WDTC1: variants seen among roughly 807,000 people sequenced by gnomAD.
WDTC1 encodes the protein WD and tetratricopeptide repeats protein 1.
A neutral mutation model predicts 76.0 loss-of-function variants in WDTC1; 12 were observed. That is an observed-to-expected ratio of 0.16 (90% CI 0.10 to 0.26). The LOEUF (loss-of-function observed/expected upper bound fraction) is 0.26, where lower values mean the gene tolerates loss of function less well. Among genes scored for constraint, WDTC1 ranks in the 10% least tolerant of loss-of-function variants. The probability of loss-of-function intolerance (pLI) is 1.00; values close to 1 mark genes in which losing one functional copy is unlikely to be tolerated. For synonymous variants in WDTC1, 326 were observed against 350.8 expected (o/e 0.93, Z 0.79); for missense variants, 511 against 908.8 (o/e 0.56, Z 5.63).
Position 27,297,030 on chromosome 1 carries a change from C to T in WDTC1, c.950-18C>T. 2 of 1,612,800 alleles carry T rather than the reference C, an allele frequency of 1.2e-6. No homozygotes were observed. Among genetic ancestry groups the T allele is most frequent in the Non-Finnish European group, 1.7e-6 (2 of 1,179,108 alleles). On this transcript the variant is annotated intron_variant, in intron 10 of 15. Transcript: ENST00000319394. ...CTTCCTGAGTTGTTGCTGTCACTTTCTCACTATCTCCTGCCAGAAGTCCAG... is the reference window on the plus strand; with the variant it reads ...CTTCCTGAGTTGTTGCTGTCACTTTTTCACTATCTCCTGCCAGAAGTCCAG...
chr1:27,292,930 T>C (rs2013577618), intron 7 of WDTC1, among the ~76,000 whole-genome samples: 1 of 150,462 alleles, frequency 6.6e-6, no homozygotes, highest in South Asian at 2.1e-4. Flanking sequence ...TTTTGTATTA[T>C]TAGTAGAGAC....
intron 1 of WDTC1, among the ~76,000 whole-genome samples, chr1:27,253,042 T>C (rs1242710431): frequency 6.8e-6 from 1 of 146,376 alleles, no homozygotes; most frequent in Non-Finnish European, 1.5e-5. Flanking sequence ...GGAGTCTCAC[T>C]CTGTCACCCA....
At chr1:27,289,546 G>A (rs2013466897) in intron 6 of WDTC1, among the ~76,000 whole-genome samples, 1 of 151,964 alleles carries the variant, frequency 6.6e-6, no homozygotes, top group Non-Finnish European at 1.5e-5. Context: ...GACGATGGGC[G>A]GCCAGGCAGA....
intron 8 of WDTC1, 92 bp downstream of exon 8, chr1:27,294,208 A>G: frequency 1.5e-6 from 2 of 1,360,312 alleles, no homozygotes; most frequent in Non-Finnish European, 2.0e-6. Flanking sequence ...ATGGTGGTCA[A>G]GAGCAAGGGT....
At chr1:27,296,945 C>T (rs1410163798) in intron 10 of WDTC1, 103 bp from the exon 11 acceptor site, 19 of 1,021,888 alleles carry the variant, frequency 1.9e-5, no homozygotes, top group East Asian at 4.8e-5. Flanking sequence ...AACAGTCCCA[C>T]GATGGAACCA....
intron 14 of WDTC1, chr1:27,304,076 T>C: frequency 2.6e-6 from 1 of 378,204 alleles, no homozygotes; most frequent in Non-Finnish European, 4.7e-6. Flanking sequence ...CACCTCCTTC[T>C]CCCTCTGTCT....
Position 27,234,960 on chromosome 1 carries a change from C to A in WDTC1, c.-100+9C>A. 5.1e-6 allele frequency: 2 copies of A among 389,990 alleles called. No homozygotes were observed. Among genetic ancestry groups the A allele is most frequent in the South Asian group, 1.3e-4 (1 of 7,688 alleles). The allele number at this position is 389,990 out of a possible 1,614,324, so 24.2% of individuals were successfully genotyped here. A position where few individuals can be genotyped will look rare whatever the true frequency, so the allele number is the denominator to read the frequency against. On this transcript the variant is annotated intron_variant, in intron 1 of 15. Transcript: ENST00000319394. ...GGGAAGAGACCTGACAGGTACGGGTCACCGCCGCCCCCTGCCCTCCGCGGG... is the reference window on the plus strand; with the variant it reads ...GGGAAGAGACCTGACAGGTACGGGTAACCGCCGCCCCCTGCCCTCCGCGGG...
At chr1:27,273,744 A>G (rs996903169) in intron 3 of WDTC1, among the ~76,000 whole-genome samples, 1 of 152,084 alleles carries the variant, frequency 6.6e-6, no homozygotes, top group African/African-American at 2.4e-5. Context: ...ACACTGAAGT[A>G]TTTAAGTGTA....
chr1:27,251,033 A>ATTTTTTTTTT lies in WDTC1; in HGVS notation c.-99-9895_-99-9886dup, dbSNP rs71584875. Among the ~76,000 whole-genome samples, 35 of 28,686 alleles carry ATTTTTTTTTT rather than the reference A, an allele frequency of 1.2e-3. 10 individuals are homozygous for ATTTTTTTTTT. Among genetic ancestry groups the ATTTTTTTTTT allele is most frequent in the Admixed American group, 1.2e-3 (2 of 1,726 alleles). The allele number at this position is 28,686 out of a possible 152,430, so 18.8% of individuals were successfully genotyped here. A position where few individuals can be genotyped will look rare whatever the true frequency, so the allele number is the denominator to read the frequency against. On this transcript the variant is annotated intron_variant, in intron 1 of 15. Coordinates refer to ENST00000319394, the MANE Select transcript of WDTC1 (RefSeq NM_001276252.2). ...TGGCGTGCACCACTACTCCTGGCTA[A>ATTTTTTTTTT]TTTTTTTTTTTTTTTTTTTTTTTTT...
chr1:27,292,368 C>G lies in WDTC1; in HGVS notation c.633C>G (p.Leu211=). ...AVGASGPFVR[L]YDIRMIHNHR... ...GGGCCAGCGGGCCCTTCGTGAGGCT[C>G]TATGACATCCGCATGATCCATAACC... Residue 211 remains leucine, a synonymous_variant, in exon 7 of 16, where the codon CTC becomes CTG. Coordinates refer to ENST00000319394, the MANE Select transcript of WDTC1 (RefSeq NM_001276252.2). 3 of 1,609,528 alleles carry G rather than the reference C, an allele frequency of 1.9e-6. No homozygotes were observed. Among genetic ancestry groups the G allele is most frequent in the Non-Finnish European group, 2.5e-6 (3 of 1,177,664 alleles).
chr1:27,247,443 T>C (rs941091101), intron 1 of WDTC1, among the ~76,000 whole-genome samples: 2 of 152,122 alleles, frequency 1.3e-5, no homozygotes, highest in African/African-American at 4.8e-5. Flanking sequence ...AGCCTAGTAC[T>C]CAATAGTTAT....
chr1:27,236,567 G>C (rs1290926730), intron 1 of WDTC1, among the ~76,000 whole-genome samples: 1 of 152,126 alleles, frequency 6.6e-6, no homozygotes, highest in Non-Finnish European at 1.5e-5. Context: ...GAGAGAACAC[G>C]TGTAAATATT....
intron 1 of WDTC1, among the ~76,000 whole-genome samples, chr1:27,251,001 G>A (rs1048605144): frequency 7.1e-6 from 1 of 141,164 alleles, no homozygotes; most frequent in Non-Finnish European, 1.5e-5. Flanking sequence ...TGAGTAGCTG[G>A]GATTACTGGC....
intron 3 of WDTC1, among the ~76,000 whole-genome samples, chr1:27,266,735 A>C (rs1024728805): frequency 6.6e-6 from 1 of 152,180 alleles, no homozygotes; most frequent in African/African-American, 2.4e-5. Context: ...TTAGTCAATA[A>C]TAGTTTATCT....
intron 6 of WDTC1, among the ~76,000 whole-genome samples, chr1:27,290,678 G>A (rs926233695): frequency 5.3e-5 from 8 of 152,068 alleles, no homozygotes; most frequent in East Asian, 3.9e-4. Flanking sequence ...AAATGGTGTC[G>A]TTGCCCTTCT....
At position 27,287,077 on chromosome 1, in the gene WDTC1, C is replaced by T. The variant is rs551406703; in HGVS notation, c.292-597C>T. Among the ~76,000 whole-genome samples, 222 of 151,386 alleles carry T rather than the reference C, an allele frequency of 1.5e-3. 1 individual carries two copies. Among genetic ancestry groups the T allele is most frequent in the Non-Finnish European group, 2.5e-3 (170 of 67,830 alleles). On this transcript the variant is annotated intron_variant, in intron 5 of 15. Transcript: ENST00000319394. ...ACTCAGGAGGCTGACACAGGAGAAT[C>T]GCTTGAACCCGGGAGGTGGAAGTTG...
chr1:27,274,295 A>AAGAG lies in WDTC1; in HGVS notation c.133-7931_133-7928dup, dbSNP rs1280564682. Among the ~76,000 whole-genome samples the AAGAG allele has an allele frequency of 2.0e-5, 3 of 150,784 alleles. No homozygotes were observed. Among genetic ancestry groups the AAGAG allele is most frequent in the African/African-American group, 4.9e-5 (2 of 41,156 alleles). On this transcript the variant is annotated intron_variant, in intron 3 of 15. Coordinates refer to ENST00000319394, the MANE Select transcript of WDTC1 (RefSeq NM_001276252.2). This position sits in a 1 kb window ranked among gnomAD's most constrained non-coding sequence, Gnocchi z 4.2. The stretch of plus-strand genomic sequence containing the variant: ...ATGGAAGGAGACACTGTCTTTAAAA[A>AAGAG]AGAGAGAGAGAGAGAGGGAAAGAAA...
chr1:27,260,836 C>G, intron 1 of WDTC1, 120 bp from the exon 2 acceptor site: 1 of 593,518 alleles, frequency 1.7e-6, no homozygotes, highest in East Asian at 2.8e-5. Flanking sequence ...GGCCAGCCCA[C>G]CATGCCACAA....
chr1:27,279,271 C>T (rs1210380123), intron 3 of WDTC1, among the ~76,000 whole-genome samples: 6 of 151,746 alleles, frequency 4.0e-5, no homozygotes, highest in Non-Finnish European at 4.4e-5. Context: ...CAGTGGCTCA[C>T]GCATGTAATC....
Sources: allele counts gnomAD v4.1 joint callset (sites outside exome capture counted in the v4.1 genomes callset), GRCh38; gene constraint gnomAD v4.1.1; non-coding constraint Gnocchi (gnomAD v3.1); transcripts MANE v1.5; gene names NCBI Gene and HGNC (gene_info 2026-07-23, HGNC 2026-07-21).